Variants in FCHSD2 observed in about 807,000 individuals in gnomAD.
The protein encoded by FCHSD2 is F-BAR and double SH3 domains protein 2.
In FCHSD2, 38 loss-of-function variants were observed where a neutral mutation model predicts 108.1. The ratio of observed to expected loss-of-function variants is 0.35; its 90% CI spans 0.27 to 0.46. The LOEUF (loss-of-function observed/expected upper bound fraction) is 0.46, where lower values mean the gene tolerates loss of function less well. Among genes scored for constraint, FCHSD2 ranks in the 20% least tolerant of loss-of-function variants. FCHSD2 has a pLI of 1.00. For synonymous variants in FCHSD2, 279 were observed against 314.7 expected (o/e 0.89, Z 1.20); for missense variants, 751 against 897.8 (o/e 0.84, Z 2.09).
chr11:73,062,972 A>G (rs1479870570), intron 3 of FCHSD2, among the ~76,000 whole-genome samples: 1 of 152,194 alleles, frequency 6.6e-6, no homozygotes, highest in Non-Finnish European at 1.5e-5. Flanking sequence ...GAGCAACCCT[A>G]AGACACATAA....
intron 2 of FCHSD2, among the ~76,000 whole-genome samples, chr11:73,132,693 G>A (rs1861030018): frequency 1.3e-5 from 2 of 152,090 alleles, no homozygotes; most frequent in Admixed American, 1.3e-4. Flanking sequence ...GCATGGTGGT[G>A]TGCAACTGTA....
At chr11:72,908,947 T>C (rs1009133734) in intron 9 of FCHSD2, among the ~76,000 whole-genome samples, 17 of 152,128 alleles carry the variant, frequency 1.1e-4, no homozygotes, top group African/African-American at 4.1e-4. Context: ...AGCCATTGCA[T>C]GTTGCCCTGT....
chr11:73,067,190 T>C (rs920409813), intron 3 of FCHSD2, among the ~76,000 whole-genome samples: 1 of 152,166 alleles, frequency 6.6e-6, no homozygotes, highest in Non-Finnish European at 1.5e-5. Context: ...TGCAGGGACA[T>C]GGATGAAGCT....
Position 72,891,577 on chromosome 11 carries a change from T to TA in FCHSD2, c.925-1633dup, listed in dbSNP as rs1376908530. On this transcript the variant is annotated intron_variant, in intron 10 of 19. Coordinates refer to ENST00000409418, the MANE Select transcript of FCHSD2 (RefSeq NM_014824.3). ...CATCTGTTCTCAAAGTCAGGAATATTAAAGTGTTAAACTCTGGACACAGAT... is the reference window on the plus strand; with the variant it reads ...CATCTGTTCTCAAAGTCAGGAATATTAAAAGTGTTAAACTCTGGACACAGAT... Among the ~76,000 whole-genome samples, 6 of 152,356 alleles carry TA rather than the reference T, an allele frequency of 3.9e-5. No homozygotes were observed. The East Asian group carries it at 1.2e-3, about 29-fold the overall frequency.
At chr11:72,897,857 T>A (rs2135265460) in intron 10 of FCHSD2, among the ~76,000 whole-genome samples, 1 of 152,278 alleles carries the variant, frequency 6.6e-6, no homozygotes. Flanking sequence ...CTCAGAAAAA[T>A]TCTGCATTAA....
intron 8 of FCHSD2, among the ~76,000 whole-genome samples, chr11:72,954,317 T>C (rs1319993547): frequency 6.7e-6 from 1 of 149,654 alleles, no homozygotes; most frequent in Non-Finnish European, 1.5e-5. Context: ...CATGCAATTC[T>C]CTCAACTCAG....
chr11:73,059,173 A>G (rs973060097), intron 3 of FCHSD2, among the ~76,000 whole-genome samples: 2 of 152,216 alleles, frequency 1.3e-5, no homozygotes, highest in African/African-American at 2.4e-5. Flanking sequence ...TGAAAAGTCA[A>G]CCATTTGGGA....
At chr11:73,034,507 C>T (rs951145578) in intron 3 of FCHSD2, among the ~76,000 whole-genome samples, 7 of 152,174 alleles carry the variant, frequency 4.6e-5, no homozygotes, top group African/African-American at 1.7e-4. Flanking sequence ...AGAGGCTGAG[C>T]CTGTACCAAG....
At chr11:73,101,901 A>C (rs534213450) in intron 2 of FCHSD2, among the ~76,000 whole-genome samples, 8 of 152,288 alleles carry the variant, frequency 5.3e-5, no homozygotes, top group Non-Finnish European at 1.0e-4. Context: ...TATTGTGTCT[A>C]TGTATGAAAA....
intron 2 of FCHSD2, among the ~76,000 whole-genome samples, chr11:73,123,694 C>A (rs1221146809): frequency 6.6e-6 from 1 of 152,148 alleles, no homozygotes; most frequent in African/African-American, 2.4e-5. Flanking sequence ...TAACCATCCC[C>A]CTCCACCACT....
At chr11:73,135,769 C>T (rs934791806) in intron 2 of FCHSD2, among the ~76,000 whole-genome samples, 2 of 152,072 alleles carry the variant, frequency 1.3e-5, no homozygotes, top group Admixed American at 6.6e-5. Flanking sequence ...AAATGCCATT[C>T]GCAGAACAAA....
At chr11:72,977,561 C>T (rs1265991950) in intron 8 of FCHSD2, among the ~76,000 whole-genome samples, 1 of 152,178 alleles carries the variant, frequency 6.6e-6, no homozygotes, top group Non-Finnish European at 1.5e-5. Flanking sequence ...AAATGCAAAT[C>T]AAAACTACAA....
At chr11:72,944,213 G>A (rs1217078937) in intron 8 of FCHSD2, among the ~76,000 whole-genome samples, 1 of 152,118 alleles carries the variant, frequency 6.6e-6, no homozygotes, top group African/African-American at 2.4e-5. Context: ...GATCAAGTGG[G>A]CTTCATCCCT....
chr11:72,968,716 A>C (rs1856957835), intron 8 of FCHSD2, among the ~76,000 whole-genome samples: 1 of 152,162 alleles, frequency 6.6e-6, no homozygotes, highest in Non-Finnish European at 1.5e-5. Flanking sequence ...AAGGCTATAA[A>C]CTATATACCC....
intron 12 of FCHSD2, among the ~76,000 whole-genome samples, chr11:72,872,562 C>G (rs1224503483): frequency 1.3e-5 from 2 of 152,036 alleles, no homozygotes; most frequent in African/African-American, 4.8e-5. Context: ...TCTTTTATGA[C>G]TAACTTCTCT....
At chr11:72,970,201 A>G (rs1295063520) in intron 8 of FCHSD2, among the ~76,000 whole-genome samples, 3 of 152,200 alleles carry the variant, frequency 2.0e-5, no homozygotes, top group Non-Finnish European at 2.9e-5. Context: ...TAATACATAT[A>G]CCACTTCCTT....
chr11:72,850,711 T>C (rs1484500134), intron 13 of FCHSD2, among the ~76,000 whole-genome samples: 1 of 152,112 alleles, frequency 6.6e-6, no homozygotes, highest in African/African-American at 2.4e-5. Context: ...TAAGAAATAT[T>C]TATCAGTATC....
At chr11:73,096,014 T>C (rs148766705) in intron 2 of FCHSD2, among the ~76,000 whole-genome samples, 3 of 149,876 alleles carry the variant, frequency 2.0e-5, no homozygotes, top group East Asian at 2.0e-4. Flanking sequence ...TAAAGTGCTA[T>C]AGAAAAAAAC....
chr11:72,891,137 G>T (rs1855306527), intron 10 of FCHSD2, among the ~76,000 whole-genome samples: 1 of 151,776 alleles, frequency 6.6e-6, no homozygotes, highest in Admixed American at 6.6e-5. Context: ...AGGCAACATA[G>T]GAGTTCAACA....
Sources: gnomAD v4.1 joint callset for allele counts (sites outside exome capture counted in the v4.1 genomes callset) on GRCh38, gnomAD v4.1.1 for gene constraint, MANE v1.5 for transcripts, NCBI Gene and HGNC (gene_info 2026-07-23, HGNC 2026-07-21) for gene names.